The following NAALADL2 variants were observed in gnomAD, a reference collection of about 807,000 sequenced individuals.
The protein encoded by NAALADL2 is N-acetylated alpha-linked acidic dipeptidase like 2, also known as inactive N-acetylated-alpha-linked acidic dipeptidase-like protein 2.
In NAALADL2, 76 loss-of-function variants were observed where a neutral mutation model predicts 87.2. The observed-to-expected ratio is 0.87, with a 90% CI of 0.72 to 1.05. NAALADL2 has a LOEUF of 1.05. Among genes scored for constraint, NAALADL2 ranks in the 50% least tolerant of loss-of-function variants. NAALADL2 has a pLI of 0.00. For missense variants in NAALADL2, 1,089 were observed against 945.8 expected, an observed-to-expected ratio of 1.15 and a Z score of -1.99; for synonymous variants, 354 against 331.0, an observed-to-expected ratio of 1.07 and a Z score of -0.75.
At chr3:175,375,418 A>T (rs1374568595) in intron 5 of NAALADL2, among the ~76,000 whole-genome samples, 1 of 152,174 alleles carries the variant, frequency 6.6e-6, no homozygotes, top group East Asian at 1.9e-4. Context: ...CCAACTTATC[A>T]ACCTGAAAAA....
intron 11 of NAALADL2, among the ~76,000 whole-genome samples, chr3:175,709,770 A>G: frequency 6.6e-6 from 1 of 152,100 alleles, no homozygotes; most frequent in East Asian, 1.9e-4. Context: ...AAGATCTGGC[A>G]TTCACAAAAC....
chr3:174,747,607 G>T (rs1734383066), intron 3 of NAALADL2, among the ~76,000 whole-genome samples: 1 of 99,014 alleles, frequency 1.0e-5, no homozygotes. Context: ...GGGTGACAGA[G>T]TAAGACCCCA....
intron 11 of NAALADL2, among the ~76,000 whole-genome samples, chr3:175,649,455 C>A (rs1199772925): frequency 6.6e-6 from 1 of 150,432 alleles, no homozygotes; most frequent in East Asian, 2.0e-4. Flanking sequence ...TCTGCTTGGG[C>A]TGCCATAACA....
chr3:174,930,069 T>A (rs1253538770), intron 1 of NAALADL2, among the ~76,000 whole-genome samples: 1 of 152,172 alleles, frequency 6.6e-6, no homozygotes, highest in Non-Finnish European at 1.5e-5. Flanking sequence ...CATAGACTTA[T>A]GAGAAAAGTA....
chr3:174,763,377 A>AG (rs1488639758), intron 3 of NAALADL2, among the ~76,000 whole-genome samples: 1 of 151,868 alleles, frequency 6.6e-6, no homozygotes, highest in Non-Finnish European at 1.5e-5. Context: ...TTATGAGGAC[A>AG]GGAATTCAAG....
chr3:175,331,507 A>G (rs1581452925), intron 5 of NAALADL2, among the ~76,000 whole-genome samples: 1 of 152,344 alleles, frequency 6.6e-6, no homozygotes, highest in African/African-American at 2.4e-5. Context: ...AACGAAAGAC[A>G]AAAACATATG....
intron 12 of NAALADL2, among the ~76,000 whole-genome samples, chr3:175,754,282 G>A (rs1467642545): frequency 6.6e-6 from 1 of 152,180 alleles, no homozygotes; most frequent in East Asian, 1.9e-4. Flanking sequence ...TAGATACTAA[G>A]TGGTAGCGCA....
At position 175,265,670 on chromosome 3, in the gene NAALADL2, TG is replaced by T. The variant is rs200501778; in HGVS notation, c.939+9143del. 6.1e-3 allele frequency among the ~76,000 whole-genome samples: 921 copies of T among 151,676 alleles called. 10 individuals are homozygous for T. The highest frequency in any genetic ancestry group is 0.021 in the African/African-American group (868 of 41,506). ...CATTATTGGAAATTTAATATCTGTTTGGGAAAAAAATACTTCTCCCTAAAAC... is the reference window on the plus strand; with the variant it reads ...CATTATTGGAAATTTAATATCTGTTTGGAAAAAAATACTTCTCCCTAAAAC... On this transcript the variant is annotated intron_variant, in intron 4 of 13. Transcript: ENST00000454872.
intron 1 of NAALADL2, among the ~76,000 whole-genome samples, chr3:174,498,732 C>A (rs1053886302): frequency 2.0e-5 from 3 of 151,820 alleles, no homozygotes; most frequent in African/African-American, 7.2e-5. Context: ...GTTCTACATT[C>A]TTCACATCTT....
intron 2 of NAALADL2, among the ~76,000 whole-genome samples, chr3:174,568,043 A>T (rs1403177570): frequency 6.6e-6 from 1 of 151,732 alleles, no homozygotes; most frequent in Non-Finnish European, 1.5e-5. Context: ...TAGAATTATG[A>T]TGTAGGTAGT....
chr3:175,275,351 T>G (rs1206702162), intron 4 of NAALADL2, among the ~76,000 whole-genome samples: 1 of 152,192 alleles, frequency 6.6e-6, no homozygotes, highest in Non-Finnish European at 1.5e-5. Flanking sequence ...CTTAATGTTT[T>G]TAGGATGATC....
intron 6 of NAALADL2, among the ~76,000 whole-genome samples, chr3:175,454,209 T>C (rs1265428948): frequency 6.6e-6 from 1 of 152,128 alleles, no homozygotes; most frequent in East Asian, 1.9e-4. Context: ...GTTTTCATCT[T>C]AATTAGGGTT....
chr3:174,762,190 C>T (rs938150880), intron 3 of NAALADL2, among the ~76,000 whole-genome samples: 3 of 149,648 alleles, frequency 2.0e-5, no homozygotes, highest in Admixed American at 1.3e-4. Context: ...GACGGAGTCT[C>T]GCTCTGTCAC....
intron 4 of NAALADL2, among the ~76,000 whole-genome samples, chr3:175,294,514 G>T (rs1756062422): frequency 6.6e-6 from 1 of 152,142 alleles, no homozygotes; most frequent in Admixed American, 6.5e-5. Context: ...TATCCTAAAT[G>T]GGAGACATTA....
At chr3:174,703,685 A>T (rs1248404486) in intron 2 of NAALADL2, among the ~76,000 whole-genome samples, 1 of 152,170 alleles carries the variant, frequency 6.6e-6, no homozygotes. Context: ...TAGCTACACC[A>T]GATTATCATG....
Position 174,820,846 on chromosome 3 carries a change from AAC to A in NAALADL2, c.-9+83102_-9+83103del, listed in dbSNP as rs1439717167. ...TGTGGTATATGTTTTTTTAAAAAAA[AAC>A]ATTTGTTCCTATTCATTTTCATAAC... On this transcript the variant is annotated intron_variant, in intron 3 of 3. Transcript: ENST00000434257. Among the ~76,000 whole-genome samples the A allele has an allele frequency of 3.3e-5, 5 of 151,990 alleles. No individual in the cohort carries two copies. The East Asian group carries it at 7.8e-4, about 24-fold the overall frequency.
chr3:175,398,821 CTA>C, intron 5 of NAALADL2, among the ~76,000 whole-genome samples: 1 of 152,006 alleles, frequency 6.6e-6, no homozygotes, highest in African/African-American at 2.4e-5. Context: ...TATGAATACA[CTA>C]TTTATGTTAC....
intron 1 of NAALADL2, among the ~76,000 whole-genome samples, chr3:174,936,004 T>C (rs912367546): frequency 6.6e-6 from 1 of 152,146 alleles, no homozygotes; most frequent in Non-Finnish European, 1.5e-5. Context: ...AAAAATGATA[T>C]ATAGAGAAGC....
intron 1 of NAALADL2, among the ~76,000 whole-genome samples, chr3:174,504,526 A>G (rs1719091144): frequency 1.3e-5 from 2 of 152,106 alleles, no homozygotes; most frequent in South Asian, 2.1e-4. Flanking sequence ...ACTTGTCTCT[A>G]GGCCTCCATC....
Sources: allele counts gnomAD v4.1 joint callset (sites outside exome capture counted in the v4.1 genomes callset), GRCh38; gene constraint gnomAD v4.1.1; transcripts MANE v1.5; gene names NCBI Gene and HGNC (gene_info 2026-07-23, HGNC 2026-07-21).